Variants in FAM149A observed in about 807,000 individuals in gnomAD.
FAM149A encodes the protein protein FAM149A.
A neutral mutation model predicts 78.2 loss-of-function variants in FAM149A; 71 were observed. The ratio of observed to expected loss-of-function variants is 0.91; its 90% CI spans 0.75 to 1.11. The LOEUF (loss-of-function observed/expected upper bound fraction) is 1.11. FAM149A is among the 50% of genes least tolerant of loss of function. The pLI is 0.00. For missense variants in FAM149A, 1,036 were observed against 971.0 expected (o/e 1.07, Z -0.89); for synonymous variants, 446 against 410.5 (o/e 1.09, Z -1.04).
intron 1 of FAM149A, chr4:186,109,152 T>C: frequency 1.0e-6 from 1 of 985,392 alleles, no homozygotes; most frequent in Non-Finnish European, 1.2e-6. Context: ...CGGCCGGTCT[T>C]ATTCTCTTAT....
Position 186,162,833 on chromosome 4 carries a change from T to TTTTA in FAM149A, c.1576-12_1576-11insTTTA. ...TTCTTTTTTTTTTTTTTTTTTTTTT[T>TTTTA]ACTGTTCTCAGATTCATCACTTCTC... On this transcript the variant is annotated splice_polypyrimidine_tract_variant and intron_variant, in intron 8 of 13. Coordinates refer to ENST00000389354, the MANE Select transcript of FAM149A (RefSeq NM_001367768.3). 1 of 821,798 alleles carries TTTTA rather than the reference T, an allele frequency of 1.2e-6. No homozygotes were observed. The allele number at this position is 821,798 out of a possible 1,614,324, so 50.9% of individuals were successfully genotyped here.
At chr4:186,119,306 A>G (rs1344783236) in intron 1 of FAM149A, among the ~76,000 whole-genome samples, 1 of 152,234 alleles carries the variant, frequency 6.6e-6, no homozygotes, top group Non-Finnish European at 1.5e-5. Flanking sequence ...ACTATTTATT[A>G]TGTATTGAAA....
intron 3 of FAM149A, among the ~76,000 whole-genome samples, chr4:186,150,641 G>T (rs1407354359): frequency 9.0e-5 from 13 of 144,118 alleles, no homozygotes; most frequent in Non-Finnish European, 1.7e-4. Context: ...GGATGGTCTC[G>T]ATCTCCTGAC....
intron 8 of FAM149A, among the ~76,000 whole-genome samples, chr4:186,159,288 AAGAG>A (rs1006282022): frequency 2.6e-5 from 4 of 152,160 alleles, no homozygotes; most frequent in African/African-American, 7.2e-5. Context: ...AGAAGAATCA[AAGAG>A]AGAGTGATTT....
At chr4:186,136,466 A>G (rs966673771) in intron 1 of FAM149A, among the ~76,000 whole-genome samples, 15 of 151,812 alleles carry the variant, frequency 9.9e-5, no homozygotes, top group African/African-American at 3.1e-4. Context: ...TCTGCCTAAT[A>G]ATTACTCTCC....
rs114653058 is a variant in FAM149A, at chr4:186,119,134, C to G, written c.566+13492C>G. Among the ~76,000 whole-genome samples the G allele has an allele frequency of 2.0e-3, 312 of 152,280 alleles. 1 individual carries two copies. Among genetic ancestry groups the G allele is most frequent in the African/African-American group, 7.1e-3 (297 of 41,564 alleles). On this transcript the variant is annotated intron_variant, in intron 1 of 13. Coordinates refer to ENST00000389354, the MANE Select transcript of FAM149A (RefSeq NM_001367768.3). ...TCATTTCACGCAGTCAAACCACGCA[C>G]CTTTTTGGATATGCAGAATTTTACA...
At chr4:186,140,059 A>C (rs993515054) in intron 1 of FAM149A, among the ~76,000 whole-genome samples, 1 of 152,230 alleles carries the variant, frequency 6.6e-6, no homozygotes, top group Non-Finnish European at 1.5e-5. Flanking sequence ...TGCAGTTTCC[A>C]AAATTTGTCT....
chr4:186,104,922 G>A lies in FAM149A; in HGVS notation c.-155G>A, dbSNP rs2099308167. ...GGAAGGGCGACCCCAGCGGCGCGGA[G>A]CTGAGCGTCCTCGGGGAGGAGAGGG... On this transcript the variant is annotated 5_prime_UTR_variant, in exon 1 of 14. Coordinates refer to ENST00000389354, the MANE Select transcript of FAM149A (RefSeq NM_001367768.3). 2.0e-6 allele frequency: 2 copies of A among 976,122 alleles called. No individual in the cohort carries two copies. The highest frequency in any genetic ancestry group is 9.5e-5 in the South Asian group (2 of 21,100). 60.5% of individuals were successfully genotyped at this position (976,122 alleles called of 1,614,324 possible).
At chr4:186,166,675 C>T (rs1735054345) in intron 11 of FAM149A, among the ~76,000 whole-genome samples, 1 of 126,786 alleles carries the variant, frequency 7.9e-6, no homozygotes, top group Non-Finnish European at 1.7e-5. Flanking sequence ...AAAAAAAAGG[C>T]AAACATCACA....
rs114703578 is a variant in FAM149A, at chr4:186,127,522, G to A, written c.567-21651G>A. ...CAGGTTCTGTCTAGTGGCTTTCAAC[G>A]TTTGTTTTCTGTCTTACAGCATCCA... On this transcript the variant is annotated intron_variant, in intron 1 of 13. Transcript: ENST00000389354. 2,289 of 985,380 alleles carry A rather than the reference G, an allele frequency of 2.3e-3. 3 individuals are homozygous for A. Among genetic ancestry groups the A allele is most frequent in the Non-Finnish European group, 2.6e-3 (2,143 of 829,916 alleles). 61.0% of individuals were successfully genotyped at this position (985,380 alleles called of 1,614,324 possible).
intron 8 of FAM149A, among the ~76,000 whole-genome samples, chr4:186,162,552 T>C (rs1734691029): frequency 6.6e-6 from 1 of 152,186 alleles, no homozygotes; most frequent in Non-Finnish European, 1.5e-5. Context: ...GTGGCGTTCC[T>C]ACCCCGTGCA....
At chr4:186,127,282 A>G (rs1579809951) in intron 1 of FAM149A, 1 of 980,476 alleles carries the variant, frequency 1.0e-6, no homozygotes, top group Non-Finnish European at 1.2e-6. Context: ...TCTTCCGGAG[A>G]GTTAGTCTAC....
intron 1 of FAM149A, among the ~76,000 whole-genome samples, chr4:186,140,092 G>C (rs192455031): frequency 3.9e-5 from 6 of 152,140 alleles, no homozygotes; most frequent in Admixed American, 1.3e-4. Flanking sequence ...ACTCTACAAG[G>C]AAGACAGTAA....
At chr4:186,127,647 G>A (rs2099318890) in intron 1 of FAM149A, 1 of 985,306 alleles carries the variant, frequency 1.0e-6, no homozygotes, top group Non-Finnish European at 1.2e-6. Flanking sequence ...CAAGAATAAG[G>A]GAATGTGTGT....
intron 7 of FAM149A, 86 bp from the exon 8 acceptor site, chr4:186,157,479 A>G: frequency 7.2e-7 from 1 of 1,384,154 alleles, no homozygotes; most frequent in Non-Finnish European, 1.0e-6. Flanking sequence ...GCTCAAGCAC[A>G]CATATTCTCT....
At chr4:186,130,293 C>CTCTCTCTCTCTCTCTCTATATATA in intron 1 of FAM149A, 217 of 46,510 alleles carry the variant, frequency 4.7e-3, no homozygotes, top group Non-Finnish European at 6.6e-3. Context: ...CTCTCTCTCT[C>CTCTCTCTCTCTCTCTCTATATATA]TATATATATA....
intron 1 of FAM149A, among the ~76,000 whole-genome samples, chr4:186,124,791 G>T (rs1252680769): frequency 2.6e-5 from 4 of 152,108 alleles, no homozygotes; most frequent in Non-Finnish European, 5.9e-5. Flanking sequence ...TAATGGGATG[G>T]CTGGGTCAAA....
chr4:186,155,318 C>T (rs1733964649), intron 6 of FAM149A, among the ~76,000 whole-genome samples: 4 of 152,056 alleles, frequency 2.6e-5, no homozygotes. Context: ...AAAACTTTGC[C>T]CCGTGATTGA....
chr4:186,171,815 A>G (rs1735558414), intron 13 of FAM149A, 99 bp from the exon 14 acceptor site: 3 of 777,042 alleles, frequency 3.9e-6, no homozygotes, highest in South Asian at 3.8e-5. Flanking sequence ...AATAAAATAT[A>G]TATTTTAAAG....
Sources: gnomAD v4.1 joint callset for allele counts (sites outside exome capture counted in the v4.1 genomes callset) on GRCh38, gnomAD v4.1.1 for gene constraint, MANE v1.5 for transcripts, NCBI Gene and HGNC (gene_info 2026-07-23, HGNC 2026-07-21) for gene names.